Variants in PLCB1 observed in about 807,000 individuals in gnomAD.
The protein encoded by PLCB1 is phospholipase C beta 1.
PLCB1 carries 46 observed loss-of-function variants against 161.8 expected under a neutral mutation model. The observed-to-expected ratio is 0.28, with a 90% CI of 0.22 to 0.36. The LOEUF (loss-of-function observed/expected upper bound fraction) is 0.36. Among genes scored for constraint, PLCB1 ranks in the 10% least tolerant of loss-of-function variants. PLCB1 has a pLI of 1.00. For missense variants in PLCB1, 1,016 were observed against 1,472.5 expected, an observed-to-expected ratio of 0.69 and a Z score of 5.07; for synonymous variants, 517 against 503.7, an observed-to-expected ratio of 1.03 and a Z score of -0.35.
At chr20:8,876,636 C>G (rs1025382844) in intron 31 of PLCB1, among the ~76,000 whole-genome samples, 1 of 152,176 alleles carries the variant, frequency 6.6e-6, no homozygotes, top group Non-Finnish European at 1.5e-5. Flanking sequence ...AGTCTATGAA[C>G]TGGTTCTGGT....
intron 3 of PLCB1, among the ~76,000 whole-genome samples, chr20:8,387,066 A>C (rs1987444487): frequency 6.6e-6 from 1 of 152,174 alleles, no homozygotes; most frequent in South Asian, 2.1e-4. Context: ...TCTCCCTATC[A>C]GCAATACGTT....
intron 1 of PLCB1, among the ~76,000 whole-genome samples, chr20:8,142,240 G>A (rs2051412119): frequency 6.6e-6 from 1 of 152,180 alleles, no homozygotes; most frequent in Admixed American, 6.5e-5. Flanking sequence ...GCAGCCTTGA[G>A]GCAGACCTGG....
intron 16 of PLCB1, 101 bp from the exon 17 acceptor site, chr20:8,727,208 T>C: frequency 5.1e-6 from 3 of 582,570 alleles, no homozygotes; most frequent in Non-Finnish European, 9.0e-6. Context: ...TGCCCTCAAC[T>C]TCACTGAATA....
chr20:8,336,933 T>TA (rs1985603492), intron 2 of PLCB1, among the ~76,000 whole-genome samples: 3 of 152,252 alleles, frequency 2.0e-5, no homozygotes, highest in African/African-American at 7.2e-5. Flanking sequence ...TCAAAACAAA[T>TA]ATTATAGCTC....
intron 31 of PLCB1, among the ~76,000 whole-genome samples, chr20:8,806,321 T>C (rs1156679570): frequency 6.6e-6 from 1 of 152,036 alleles, no homozygotes; most frequent in Non-Finnish European, 1.5e-5. Flanking sequence ...TGAGGCACAG[T>C]GTGGCCTGCA....
chr20:8,688,928 C>T (rs1990414362), intron 10 of PLCB1, among the ~76,000 whole-genome samples: 2 of 152,162 alleles, frequency 1.3e-5, no homozygotes, highest in African/African-American at 4.8e-5. Context: ...TTGTAGATTG[C>T]TTTTGGCAGT....
chr20:8,351,156 A>G (rs546891988), intron 2 of PLCB1, among the ~76,000 whole-genome samples: 2 of 152,178 alleles, frequency 1.3e-5, no homozygotes, highest in Non-Finnish European at 2.9e-5. Flanking sequence ...ACATAGATCA[A>G]TGGAAAATAA....
chr20:8,739,888 G>A (rs1175855785), intron 21 of PLCB1, among the ~76,000 whole-genome samples: 3 of 152,210 alleles, frequency 2.0e-5, no homozygotes, highest in Non-Finnish European at 4.4e-5. Flanking sequence ...GTCAAGGCTG[G>A]GCATGGTGGC....
At chr20:8,824,361 C>T (rs6056179) in intron 31 of PLCB1, among the ~76,000 whole-genome samples, 1 of 152,042 alleles carries the variant, frequency 6.6e-6, no homozygotes, top group African/African-American at 2.4e-5. Context: ...ATGGTAAATC[C>T]TGAGATATTA....
chr20:8,178,408 A>AT (rs1426711089), intron 2 of PLCB1, among the ~76,000 whole-genome samples: 1 of 151,904 alleles, frequency 6.6e-6, no homozygotes, highest in Non-Finnish European at 1.5e-5. Context: ...GACATTCATC[A>AT]TTTTTTCATG....
At chr20:8,720,631 A>T (rs1266659519) in intron 14 of PLCB1, among the ~76,000 whole-genome samples, 1 of 151,814 alleles carries the variant, frequency 6.6e-6, no homozygotes, top group African/African-American at 2.4e-5. Context: ...GTTCAACAAG[A>T]TTCCCCCAAC....
At chr20:8,815,958 C>T (rs1370952261) in intron 31 of PLCB1, among the ~76,000 whole-genome samples, 12 of 152,074 alleles carry the variant, frequency 7.9e-5, no homozygotes, top group Non-Finnish European at 1.5e-4. Flanking sequence ...TATAGATATT[C>T]CTAAGGAGGA....
intron 3 of PLCB1, among the ~76,000 whole-genome samples, chr20:8,480,412 G>A (rs907930597): frequency 4.6e-5 from 7 of 152,184 alleles, no homozygotes; most frequent in African/African-American, 1.4e-4. Flanking sequence ...AAACTGGGGG[G>A]AGGAGAAGTG....
At chr20:8,575,125 C>T (rs1986636591) in intron 3 of PLCB1, among the ~76,000 whole-genome samples, 1 of 152,172 alleles carries the variant, frequency 6.6e-6, no homozygotes, top group Non-Finnish European at 1.5e-5. Flanking sequence ...TACTTAGTGA[C>T]TTGCTCAAGG....
intron 3 of PLCB1, among the ~76,000 whole-genome samples, chr20:8,487,594 C>T (rs977649217): frequency 6.6e-6 from 1 of 152,136 alleles, no homozygotes; most frequent in African/African-American, 2.4e-5. Flanking sequence ...TGGGATTCTT[C>T]AACACCAAAA....
At position 8,644,149 on chromosome 20, in the gene PLCB1, A is replaced by C. The variant is rs1430570800; in HGVS notation, c.385-1953A>C. Among the ~76,000 whole-genome samples, 541 of 151,912 alleles carry C rather than the reference A, an allele frequency of 3.6e-3. 3 individuals carry two copies. Among genetic ancestry groups the C allele is most frequent in the Non-Finnish European group, 5.0e-3 (341 of 67,908 alleles). On this transcript the variant is annotated intron_variant, in intron 4 of 31. Transcript: ENST00000338037. ...TGGCGTGATCTCGGCTCGCTACAACATCCACCTCCCAGCCGCCTGCCTTGG... is the reference window on the plus strand; with the variant it reads ...TGGCGTGATCTCGGCTCGCTACAACCTCCACCTCCCAGCCGCCTGCCTTGG...
At chr20:8,671,310 T>G (rs1379439015) in intron 9 of PLCB1, among the ~76,000 whole-genome samples, 1 of 152,246 alleles carries the variant, frequency 6.6e-6, no homozygotes, top group Non-Finnish European at 1.5e-5. Flanking sequence ...TGCATATTTT[T>G]TGCAAAGCCC....
chr20:8,573,109 C>G (rs1024548444), intron 3 of PLCB1, among the ~76,000 whole-genome samples: 1 of 151,856 alleles, frequency 6.6e-6, no homozygotes, highest in African/African-American at 2.4e-5. Flanking sequence ...CAGGAAAGTC[C>G]AAAATTCTAA....
chr20:8,647,698 C>T (rs1424773371), intron 5 of PLCB1, among the ~76,000 whole-genome samples: 2 of 152,096 alleles, frequency 1.3e-5, no homozygotes, highest in Admixed American at 6.5e-5. Flanking sequence ...TTTGGCAGGG[C>T]GTTTGGGAAG....
Sources: gnomAD v4.1 joint callset for allele counts (sites outside exome capture counted in the v4.1 genomes callset) on GRCh38, gnomAD v4.1.1 for gene constraint, MANE v1.5 for transcripts, NCBI Gene and HGNC (gene_info 2026-07-23, HGNC 2026-07-21) for gene names.